DAB1: variants seen among roughly 807,000 people sequenced by gnomAD.
DAB1 encodes the protein DAB adaptor protein 1, also known as disabled homolog 1.
Under a neutral mutation model 64.6 loss-of-function variants are expected in DAB1, and 15 were observed. The observed-to-expected ratio is 0.23, with a 90% confidence interval of 0.16 to 0.36. DAB1 has a LOEUF of 0.36. DAB1 is among the 10% of genes least tolerant of loss of function. DAB1 has a pLI of 1.00. For missense variants in DAB1, 596 were observed against 706.7 expected (o/e 0.84, Z 1.78); for synonymous variants, 235 against 251.9 (o/e 0.93, Z 0.64).
At chr1:58,100,672 A>G (rs1651262240) in intron 5 of DAB1, among the ~76,000 whole-genome samples, 1 of 152,226 alleles carries the variant, frequency 6.6e-6, no homozygotes, top group Non-Finnish European at 1.5e-5. Context: ...TAATAAGCAC[A>G]TATCATACTA....
intron 5 of DAB1, among the ~76,000 whole-genome samples, chr1:58,030,382 C>T (rs781649786): frequency 9.9e-5 from 15 of 152,078 alleles, no homozygotes; most frequent in Non-Finnish European, 1.9e-4. Context: ...CCACAACAAG[C>T]ATATACTATT....
intron 4 of DAB1, among the ~76,000 whole-genome samples, chr1:57,092,813 T>G (rs1045114209): frequency 6.6e-6 from 1 of 152,048 alleles, no homozygotes; most frequent in Non-Finnish European, 1.5e-5. Flanking sequence ...GTACCTATAT[T>G]CTGAGAAGAT....
At chr1:57,397,780 C>G (rs1156740699) in intron 1 of DAB1, among the ~76,000 whole-genome samples, 1 of 152,258 alleles carries the variant, frequency 6.6e-6, no homozygotes. Flanking sequence ...TACTTCCCAT[C>G]TCCTTCATAA....
chr1:58,398,729 C>T (rs368120124), intron 3 of DAB1, among the ~76,000 whole-genome samples: 53 of 152,322 alleles, frequency 3.5e-4, no homozygotes, highest in African/African-American at 1.2e-3. Context: ...TGCCCAAGTT[C>T]CCAACCTAGT....
chr1:58,284,651 T>C (rs1001477004), intron 4 of DAB1, among the ~76,000 whole-genome samples: 5 of 152,280 alleles, frequency 3.3e-5, no homozygotes, highest in Non-Finnish European at 7.3e-5. Flanking sequence ...TGGAGCGTTA[T>C]TCCTATCCCT....
intron 3 of DAB1, among the ~76,000 whole-genome samples, chr1:58,463,778 T>C (rs1407807534): frequency 5.9e-5 from 9 of 152,228 alleles, no homozygotes; most frequent in Admixed American, 4.6e-4. Flanking sequence ...GACCCACCTG[T>C]GTGAGTCCAT....
At chr1:58,100,201 A>G (rs549609177) in intron 5 of DAB1, among the ~76,000 whole-genome samples, 1 of 152,324 alleles carries the variant, frequency 6.6e-6, no homozygotes, top group South Asian at 2.1e-4. Flanking sequence ...GAACTTTTCC[A>G]TCATCCCAAA....
chr1:58,064,423 C>T (rs1057067410), intron 5 of DAB1, among the ~76,000 whole-genome samples: 2 of 152,104 alleles, frequency 1.3e-5, no homozygotes, highest in African/African-American at 4.8e-5. Flanking sequence ...CAAACCAGCT[C>T]TTCGAAGTGC....
chr1:57,780,912 G>T (rs1650037243), intron 6 of DAB1, among the ~76,000 whole-genome samples: 1 of 151,300 alleles, frequency 6.6e-6, no homozygotes, highest in African/African-American at 2.4e-5. Context: ...ATTTTTAGTA[G>T]AGACAGGATT....
chr1:57,872,044 T>G (rs1324041983), intron 1 of DAB1, among the ~76,000 whole-genome samples: 2 of 151,948 alleles, frequency 1.3e-5, no homozygotes, highest in African/African-American at 4.8e-5. Flanking sequence ...AACAATTGTA[T>G]ATATCATAAT....
intron 1 of DAB1, among the ~76,000 whole-genome samples, chr1:57,361,546 A>T (rs1679550206): frequency 6.6e-6 from 1 of 152,092 alleles, no homozygotes; most frequent in African/African-American, 2.4e-5. Context: ...TAGATGGAGA[A>T]TATTCTGTGC....
At chr1:57,195,989 C>T (rs760110334) in intron 2 of DAB1, among the ~76,000 whole-genome samples, 1 of 151,560 alleles carries the variant, frequency 6.6e-6, no homozygotes, top group Non-Finnish European at 1.5e-5. Flanking sequence ...AGAATGAAAA[C>T]ATGTAAAGCA....
intron 3 of DAB1, among the ~76,000 whole-genome samples, chr1:58,417,667 A>G (rs1644734033): frequency 6.6e-6 from 1 of 152,214 alleles, no homozygotes; most frequent in African/African-American, 2.4e-5. Context: ...CTATGTAACC[A>G]TGAATCAATT....
At chr1:57,743,701 C>A (rs546133677) in intron 6 of DAB1, among the ~76,000 whole-genome samples, 8 of 152,146 alleles carry the variant, frequency 5.3e-5, no homozygotes, top group Non-Finnish European at 4.4e-5. Context: ...GTCCAGGAGA[C>A]CCTAACCCAG....
chr1:57,281,587 A>C (rs545548882), intron 2 of DAB1, among the ~76,000 whole-genome samples: 1 of 152,174 alleles, frequency 6.6e-6, no homozygotes, highest in African/African-American at 2.4e-5. Context: ...CTCTGATGCC[A>C]TGATAAGCAG....
chr1:57,075,684 G>A (rs1029480143), intron 4 of DAB1, among the ~76,000 whole-genome samples: 5 of 152,164 alleles, frequency 3.3e-5, no homozygotes, highest in African/African-American at 1.2e-4. Flanking sequence ...CACAATCAAA[G>A]ACAGTTGGAA....
At chr1:57,628,755 G>C (rs564385425) in intron 7 of DAB1, among the ~76,000 whole-genome samples, 96 of 152,220 alleles carry the variant, frequency 6.3e-4, no homozygotes, top group Admixed American at 2.7e-3. Flanking sequence ...TTGTTTCCAG[G>C]TGTTACAGCT....
chr1:58,377,572 T>C (rs1390296759), intron 3 of DAB1, among the ~76,000 whole-genome samples: 1 of 138,122 alleles, frequency 7.2e-6, no homozygotes, highest in Non-Finnish European at 1.6e-5. Context: ...TGGGCTTCCC[T>C]TTGAGGGTAA....
chr1:57,426,672 C>A (rs540404702), upstream of DAB1, among the ~76,000 whole-genome samples: 154 of 152,080 alleles, frequency 1.0e-3, 1 homozygote, highest in African/African-American at 3.2e-3. Context: ...TATATTAACT[C>A]ATTTGACCTT....
Sources: gnomAD v4.1 joint callset for allele counts (sites outside exome capture counted in the v4.1 genomes callset) on GRCh38, gnomAD v4.1.1 for gene constraint, MANE v1.5 for transcripts, NCBI Gene and HGNC (gene_info 2026-07-23, HGNC 2026-07-21) for gene names.